Variants in ATP2B1 observed in about 807,000 individuals in gnomAD.
The protein encoded by ATP2B1 is ATPase plasma membrane Ca2+ transporting 1.
In ATP2B1, 14 loss-of-function variants were observed where a neutral mutation model predicts 124.2. The ratio of observed to expected loss-of-function variants is 0.11; its 90% CI spans 0.07 to 0.18. The LOEUF (loss-of-function observed/expected upper bound fraction) is 0.18. Among genes scored for constraint, ATP2B1 ranks in the 10% least tolerant of loss-of-function variants. The pLI is 1.00. For synonymous variants in ATP2B1, 449 were observed against 492.4 expected (o/e 0.91, Z 1.17); for missense variants, 763 against 1,466.1 (o/e 0.52, Z 7.83).
Position 89,655,926 on chromosome 12 carries a change from G to C in ATP2B1, c.-40C>G. On this transcript the variant is annotated 5_prime_UTR_variant, in exon 2 of 21. Coordinates refer to ENST00000428670, the MANE Select transcript of ATP2B1 (RefSeq NM_001366521.1). ...ATCAGAAGGAAAATGTTTCCCAAAA[G>C]AATTTAATTTTCACTTGATGTATTT... 6.6e-7 allele frequency: 1 copy of C among 1,508,960 alleles called. No individual in the cohort carries two copies. The highest frequency in any genetic ancestry group is 8.9e-7 in the Non-Finnish European group (1 of 1,124,896). The allele number at this position is 1,508,960 out of a possible 1,614,324, so 93.5% of individuals were successfully genotyped here. A position where few individuals can be genotyped will look rare whatever the true frequency, so the allele number is the denominator to read the frequency against.
At chr12:89,640,752 C>A (rs1323096161) in intron 3 of ATP2B1, among the ~76,000 whole-genome samples, 1 of 151,990 alleles carries the variant, frequency 6.6e-6, no homozygotes, top group Admixed American at 6.6e-5. Flanking sequence ...ATGGTGACTA[C>A]TTCACACAAG....
Position 89,601,099 on chromosome 12 carries a change from A to G in ATP2B1, c.3168+227T>C, listed in dbSNP as rs564159011. On this transcript the variant is annotated intron_variant, in intron 19 of 20. Coordinates refer to ENST00000428670, the MANE Select transcript of ATP2B1 (RefSeq NM_001366521.1). ...AACTTCTAAAAAACAAGTTAAAAAA[A>G]CACATAAAAAGTTAGGATAGTATTT... 1.7e-3 allele frequency among the ~76,000 whole-genome samples: 252 copies of G among 152,300 alleles called. 1 individual carries two copies. Among genetic ancestry groups the G allele is most frequent in the African/African-American group, 5.8e-3 (240 of 41,572 alleles).
intron 1 of ATP2B1, among the ~76,000 whole-genome samples, chr12:89,674,938 G>T (rs573270718): frequency 6.6e-6 from 1 of 152,134 alleles, no homozygotes; most frequent in Non-Finnish European, 1.5e-5. Flanking sequence ...AACACTAGCC[G>T]TTACATAAAG....
At chr12:89,676,783 C>T (rs1038882033) in intron 1 of ATP2B1, among the ~76,000 whole-genome samples, 3 of 152,026 alleles carry the variant, frequency 2.0e-5, no homozygotes, top group African/African-American at 4.8e-5. Flanking sequence ...CAAAACAAAA[C>T]GTTCTGGCTC....
At chr12:89,683,959 G>A (rs1342223385) in intron 1 of ATP2B1, among the ~76,000 whole-genome samples, 2 of 152,124 alleles carry the variant, frequency 1.3e-5, no homozygotes, top group African/African-American at 2.4e-5. Context: ...ATATCCTAAC[G>A]TTTGGAATAT....
chr12:89,704,447 T>A (rs568210829), intron 1 of ATP2B1, among the ~76,000 whole-genome samples: 3 of 152,240 alleles, frequency 2.0e-5, no homozygotes, highest in African/African-American at 7.2e-5. Context: ...AAATTTACTC[T>A]GATCAAAACT....
At chr12:89,600,850 T>C (rs934923840) in intron 19 of ATP2B1, among the ~76,000 whole-genome samples, 3 of 152,084 alleles carry the variant, frequency 2.0e-5, no homozygotes, top group Non-Finnish European at 4.4e-5. Flanking sequence ...GGTTTCACCA[T>C]GTTGGCCAGG....
intron 12 of ATP2B1, among the ~76,000 whole-genome samples, chr12:89,615,654 C>A (rs779922481): frequency 2.0e-5 from 3 of 152,156 alleles, no homozygotes; most frequent in South Asian, 4.1e-4. Flanking sequence ...CCTAACTGCT[C>A]GCTCTCTTTC....
rs1374267215 is a variant in ATP2B1 at position 89,677,965 on chromosome 12, TATATATACACAC to T, written c.-221-21870_-221-21859del. ...GGGGCATGCAGGAATTATATATATATATATATACACACACACACACACACACACACACACACA... is the reference window on the plus strand; with the variant it reads ...GGGGCATGCAGGAATTATATATATATACACACACACACACACACACACACA... On this transcript the variant is annotated intron_variant, in intron 1 of 20. Coordinates refer to ENST00000428670, the MANE Select transcript of ATP2B1 (RefSeq NM_001366521.1). 1.6e-3 allele frequency among the ~76,000 whole-genome samples: 181 copies of T among 112,078 alleles called. 7 individuals carry two copies. Among genetic ancestry groups the T allele is most frequent in the Middle Eastern group, 4.1e-3 (1 of 242 alleles). The allele number at this position is 112,078 out of a possible 152,430, so 73.5% of individuals were successfully genotyped here. A position where few individuals can be genotyped will look rare whatever the true frequency, so the allele number is the denominator to read the frequency against.
Position 89,627,710 on chromosome 12 carries a change from T to C in ATP2B1, c.935A>G (p.Lys312Arg). The C allele has an allele frequency of 1.2e-6, 2 of 1,614,032 alleles. No homozygotes were observed. The highest frequency in any genetic ancestry group is 8.5e-7 in the Non-Finnish European group (1 of 1,179,958). ...DEKKKEKKNK[K>R]QDGAIENRNK... ...GCGATTCTCAATAGCTCCATCTTGT[T>C]TCTTATCTGTAGGAACAAAATGGGA... Residue 312 changes from lysine (K) to arginine (R), a missense_variant, in exon 7 of 21, where the codon AAA becomes AGA. Around this residue, in one of 7 missense-constraint regions of ATP2B1, gnomAD observed 392 missense variants for 776.6 expected, o/e 0.50. Coordinates refer to ENST00000428670, the MANE Select transcript of ATP2B1 (RefSeq NM_001366521.1).
intron 1 of ATP2B1, among the ~76,000 whole-genome samples, chr12:89,677,291 C>T (rs746862227): frequency 6.6e-6 from 1 of 152,118 alleles, no homozygotes; most frequent in African/African-American, 2.4e-5. Flanking sequence ...GACTTATCCA[C>T]AGGAGTTTAA....
intron 1 of ATP2B1, among the ~76,000 whole-genome samples, chr12:89,675,537 C>T (rs1399587136): frequency 6.6e-6 from 1 of 152,116 alleles, no homozygotes; most frequent in Admixed American, 6.6e-5. Flanking sequence ...CGGTCGAACA[C>T]AAGTTAGGCA....
Position 89,590,818 on chromosome 12 carries a change from G to A in ATP2B1, c.*166C>T. On this transcript the variant is annotated 3_prime_UTR_variant, in exon 21 of 21. Coordinates refer to ENST00000428670, the MANE Select transcript of ATP2B1 (RefSeq NM_001366521.1). ...AAAAGCACCCTCAGTCTGGCAGAAA[G>A]CTTTGCTTTTTTTTTTTTAAAAAAA... is the stretch of plus-strand genomic sequence containing the variant. 1 of 772,684 alleles carries A rather than the reference G, an allele frequency of 1.3e-6. No individual in the cohort carries two copies. The allele number at this position is 772,684 out of a possible 1,614,324, so 47.9% of individuals were successfully genotyped here.
chr12:89,685,219 T>C (rs1889822342), intron 1 of ATP2B1, among the ~76,000 whole-genome samples: 2 of 152,096 alleles, frequency 1.3e-5, no homozygotes, highest in South Asian at 4.1e-4. Context: ...TAATAAAGCC[T>C]AGAGTCATTT....
intron 2 of ATP2B1, among the ~76,000 whole-genome samples, chr12:89,643,176 GTA>G (rs1883895672): frequency 3.4e-5 from 5 of 148,582 alleles, no homozygotes; most frequent in Non-Finnish European, 4.4e-5. Context: ...ATGTATATAT[GTA>G]TATGTATGTA....
intron 1 of ATP2B1, among the ~76,000 whole-genome samples, chr12:89,691,018 C>T (rs900363988): frequency 1.3e-5 from 2 of 152,160 alleles, no homozygotes; most frequent in Middle Eastern, 3.4e-3. Flanking sequence ...AAAGGAAAAA[C>T]GATCTAGTTT....
At chr12:89,658,283 A>G (rs1383516462) in intron 1 of ATP2B1, among the ~76,000 whole-genome samples, 3 of 152,162 alleles carry the variant, frequency 2.0e-5, no homozygotes, top group African/African-American at 4.8e-5. Flanking sequence ...ACGTGAAATG[A>G]CCTGCCTGAT....
chr12:89,624,507 G>A lies in ATP2B1; in HGVS notation c.1130-110C>T, dbSNP rs977146891. On this transcript the variant is annotated intron_variant, in intron 8 of 20. Transcript: ENST00000428670. ...GAGTTATAACTTGCTTGATAGTATTGAATTTCTCTGAGAAATTACTTCTTT... is the reference window on the plus strand; with the variant it reads ...GAGTTATAACTTGCTTGATAGTATTAAATTTCTCTGAGAAATTACTTCTTT... 6 of 887,528 alleles carry A rather than the reference G, an allele frequency of 6.8e-6. No individual in the cohort carries two copies. The African/African-American group carries it at 1.0e-4, about 15-fold the overall frequency. 55.0% of individuals were successfully genotyped at this position (887,528 alleles called of 1,614,324 possible).
intron 7 of ATP2B1, 81 bp downstream of exon 7, chr12:89,627,597 C>T (rs1881101258): frequency 1.3e-6 from 2 of 1,488,536 alleles, no homozygotes; most frequent in African/African-American, 1.4e-5. Flanking sequence ...ATGTATCTTA[C>T]TTTTGAATAA....
Sources: gnomAD v4.1 joint callset for allele counts (sites outside exome capture counted in the v4.1 genomes callset) on GRCh38, gnomAD v4.1.1 for gene constraint, gnomAD v4.1.1 regional missense constraint, MANE v1.5 for transcripts, NCBI Gene and HGNC (gene_info 2026-07-23, HGNC 2026-07-21) for gene names.